Variants in ZFAT observed in about 807,000 individuals in gnomAD.
The protein encoded by ZFAT is zinc finger and AT-hook domain containing, also known as zinc finger protein ZFAT.
ZFAT carries 64 observed loss-of-function variants against 117.7 expected under a neutral mutation model. The ratio of observed to expected loss-of-function variants is 0.54; its 90% CI spans 0.44 to 0.67. The LOEUF is 0.67. ZFAT is among the 30% of genes least tolerant of loss of function. ZFAT has a pLI of 0.00. For missense variants in ZFAT, 1,433 were observed against 1,584.5 expected (o/e 0.90, Z 1.62); for synonymous variants, 679 against 615.0 (o/e 1.10, Z -1.54).
intron 5 of ZFAT, among the ~76,000 whole-genome samples, chr8:134,604,285 G>A (rs991159324): frequency 5.3e-5 from 8 of 152,214 alleles, no homozygotes; most frequent in African/African-American, 1.7e-4. Context: ...GTCAGGACTT[G>A]AATCTAGGAA....
At chr8:134,591,917 C>T (rs1322015547) in intron 7 of ZFAT, among the ~76,000 whole-genome samples, 2 of 152,226 alleles carry the variant, frequency 1.3e-5, no homozygotes, top group Non-Finnish European at 2.9e-5. Context: ...TAAATATCTG[C>T]TGTTTATACC....
At chr8:134,575,971 A>C (rs1195668115) in intron 10 of ZFAT, among the ~76,000 whole-genome samples, 1 of 152,220 alleles carries the variant, frequency 6.6e-6, no homozygotes, top group African/African-American at 2.4e-5. Context: ...GGGCCTGATG[A>C]TTCTCTGTAA....
chr8:134,601,947 T>A lies in ZFAT; in HGVS notation c.1772A>T (p.Glu591Val), dbSNP rs531285719. Residue 591 changes from glutamate to valine, a missense_variant, in exon 6 of 16, where the codon GAG (glutamate) becomes GTG (valine). Coordinates refer to ENST00000377838, the MANE Select transcript of ZFAT (RefSeq NM_020863.4). ...CAACAAAAAATCATCTGAAACCACCTCTTGAGAATGCAGGTCTGAGGAGGA... is the reference window on the plus strand; with the variant it reads ...CAACAAAAAATCATCTGAAACCACCACTTGAGAATGCAGGTCTGAGGAGGA... The part of the protein sequence containing the change: ...VVSSSDLHSQ[E>V]VVSDDFLLKN... 5.6e-6 allele frequency: 9 copies of A among 1,614,052 alleles called. No individual in the cohort carries two copies. The South Asian group carries it at 9.9e-5, about 18-fold the overall frequency.
chr8:134,615,646 C>G (rs1351877730), intron 3 of ZFAT, among the ~76,000 whole-genome samples: 1 of 152,236 alleles, frequency 6.6e-6, no homozygotes. Flanking sequence ...AAAGCTGCTT[C>G]CAGTGGGGAA....
At chr8:134,582,992 A>G (rs973618092) in intron 10 of ZFAT, among the ~76,000 whole-genome samples, 1 of 152,136 alleles carries the variant, frequency 6.6e-6, no homozygotes, top group African/African-American at 2.4e-5. Flanking sequence ...AACCTGTCTA[A>G]GTAAAATCAA....
intron 1 of ZFAT, among the ~76,000 whole-genome samples, chr8:134,664,611 G>T (rs1254476505): frequency 6.6e-6 from 1 of 152,252 alleles, no homozygotes; most frequent in African/African-American, 2.4e-5. Context: ...ATAAAGCAGC[G>T]TATAAACGGC....
At chr8:134,573,229 CAT>C (rs1478337366) in intron 10 of ZFAT, among the ~76,000 whole-genome samples, 2 of 152,010 alleles carry the variant, frequency 1.3e-5, no homozygotes, top group Non-Finnish European at 2.9e-5. Context: ...CTGAACTGTG[CAT>C]GTGTGCGTGT....
the ZFAT span, among the ~76,000 whole-genome samples, chr8:134,742,302 A>G: frequency 1.3e-5 from 2 of 152,002 alleles, no homozygotes; most frequent in Non-Finnish European, 2.9e-5. Flanking sequence ...CTTTATTTTT[A>G]AAGGAGACCT....
chr8:134,631,050 C>T (rs1052422962), intron 3 of ZFAT, among the ~76,000 whole-genome samples: 5 of 152,208 alleles, frequency 3.3e-5, no homozygotes, highest in African/African-American at 1.2e-4. Context: ...TATTTTAGAG[C>T]TTCAACCGTG....
chr8:134,613,854 A>C (rs1348999938), intron 3 of ZFAT, among the ~76,000 whole-genome samples: 1 of 152,216 alleles, frequency 6.6e-6, no homozygotes, highest in African/African-American at 2.4e-5. Context: ...GGAGAGGCCA[A>C]GTGAAAGACC....
intron 2 of ZFAT, among the ~76,000 whole-genome samples, chr8:134,639,485 T>C (rs1301132339): frequency 2.0e-5 from 3 of 151,864 alleles, no homozygotes; most frequent in Non-Finnish European, 4.4e-5. Context: ...AAGAAGAAGG[T>C]ACTTAATGAT....
intron 7 of ZFAT, among the ~76,000 whole-genome samples, chr8:134,590,785 C>T (rs1371700547): frequency 1.5e-5 from 2 of 134,604 alleles, no homozygotes; most frequent in Non-Finnish European, 3.2e-5. Flanking sequence ...ACAACCAGCA[C>T]TGCCACCATC....
chr8:134,526,904 T>C (rs561540474), intron 12 of ZFAT, among the ~76,000 whole-genome samples: 1 of 152,192 alleles, frequency 6.6e-6, no homozygotes, highest in African/African-American at 2.4e-5. Flanking sequence ...AAAAAGGCAC[T>C]GAGTACAGTA....
intron 3 of ZFAT, among the ~76,000 whole-genome samples, chr8:134,629,197 T>C (rs890690958): frequency 6.6e-6 from 1 of 151,732 alleles, no homozygotes; most frequent in Non-Finnish European, 1.5e-5. Context: ...CAGGATGAAA[T>C]AGAGGAGGAT....
chr8:134,573,107 A>G (rs1488837209), intron 10 of ZFAT, among the ~76,000 whole-genome samples: 2 of 152,204 alleles, frequency 1.3e-5, no homozygotes, highest in Non-Finnish European at 2.9e-5. Flanking sequence ...GACAGGCAAT[A>G]ATGTTGCAGG....
intron 8 of ZFAT, among the ~76,000 whole-genome samples, chr8:134,589,050 T>C (rs2130868750): frequency 6.6e-6 from 1 of 152,272 alleles, no homozygotes; most frequent in South Asian, 2.1e-4. Context: ...TTTGACAAAA[T>C]GTGGATAACT....
chr8:134,501,795 T>G (rs1818999907), intron 15 of ZFAT, among the ~76,000 whole-genome samples: 1 of 152,184 alleles, frequency 6.6e-6, no homozygotes, highest in Non-Finnish European at 1.5e-5. Context: ...AGTGCCTCTG[T>G]GGGAACAAGA....
chr8:134,760,288 AC>A, the ZFAT span, among the ~76,000 whole-genome samples: 26 of 126,706 alleles, frequency 2.1e-4, no homozygotes, highest in East Asian at 9.5e-4. Context: ...AAAAAAAAAA[AC>A]AAACAAAAAA....
chr8:134,555,192 A>C (rs10464989), intron 11 of ZFAT, among the ~76,000 whole-genome samples: 1 of 152,346 alleles, frequency 6.6e-6, no homozygotes, highest in East Asian at 1.9e-4. Flanking sequence ...CTCCCCAGCA[A>C]GGAACTGTGA....
Sources: gnomAD v4.1 joint callset for allele counts (sites outside exome capture counted in the v4.1 genomes callset) on GRCh38, gnomAD v4.1.1 for gene constraint, MANE v1.5 for transcripts, NCBI Gene and HGNC (gene_info 2026-07-23, HGNC 2026-07-21) for gene names.